The following SCN11A variants were observed in gnomAD, a reference collection of about 807,000 sequenced individuals.
SCN11A encodes sodium channel protein type 11 subunit alpha.
SCN11A carries 122 observed loss-of-function variants against 162.2 expected under a neutral mutation model. The observed-to-expected ratio is 0.75, with a 90% CI of 0.65 to 0.87. The LOEUF is 0.87. Among genes scored for constraint, SCN11A ranks in the 40% least tolerant of loss-of-function variants. The probability of loss-of-function intolerance (pLI) is 0.00; values close to 1 mark genes in which losing one functional copy is unlikely to be tolerated. For missense variants in SCN11A, 2,015 were observed against 2,181.6 expected, an observed-to-expected ratio of 0.92 and a Z score of 1.52; for synonymous variants, 758 against 751.5, an observed-to-expected ratio of 1.01 and a Z score of -0.14.
chr3:38,958,699 G>C (rs1281126966), intron 3 of SCN11A, among the ~76,000 whole-genome samples: 1 of 152,062 alleles, frequency 6.6e-6, no homozygotes, highest in Admixed American at 6.5e-5. Flanking sequence ...TCATTGTCCT[G>C]TATAACAATT....
chr3:39,051,280 C>A (rs1331219394), intron 1 of SCN11A, among the ~76,000 whole-genome samples: 3 of 152,114 alleles, frequency 2.0e-5, no homozygotes, highest in Admixed American at 1.3e-4. Flanking sequence ...TCCTCCCACC[C>A]TCCACCCTCC....
intron 2 of SCN11A, among the ~76,000 whole-genome samples, chr3:38,972,075 G>C (rs970715839): frequency 1.3e-5 from 2 of 152,182 alleles, no homozygotes; most frequent in African/African-American, 4.8e-5. Context: ...CTAGATGGCT[G>C]TTAATGGTGA....
intron 2 of SCN11A, among the ~76,000 whole-genome samples, chr3:39,014,510 T>C (rs909290426): frequency 6.6e-6 from 1 of 152,158 alleles, no homozygotes; most frequent in Non-Finnish European, 1.5e-5. Context: ...TAAGACAATA[T>C]CCCAACTTGG....
intron 1 of SCN11A, among the ~76,000 whole-genome samples, chr3:39,051,551 A>G (rs184530504): frequency 6.6e-6 from 1 of 152,000 alleles, no homozygotes; most frequent in East Asian, 1.9e-4. Context: ...AAGGACTTCT[A>G]TCTCTCCCCC....
intron 23 of SCN11A, among the ~76,000 whole-genome samples, chr3:38,879,338 T>C (rs2065270798): frequency 6.6e-6 from 1 of 152,200 alleles, no homozygotes; most frequent in African/African-American, 2.4e-5. Context: ...ATACTATTAT[T>C]AGCTTTTGTG....
chr3:38,988,209 C>T (rs534559340), intron 2 of SCN11A, among the ~76,000 whole-genome samples: 80 of 152,280 alleles, frequency 5.3e-4, no homozygotes, highest in Admixed American at 9.8e-4. Flanking sequence ...GAGTCCACAG[C>T]CTTGATGCCT....
chr3:39,019,622 C>T (rs2125606377), intron 2 of SCN11A, among the ~76,000 whole-genome samples: 1 of 152,262 alleles, frequency 6.6e-6, no homozygotes, highest in South Asian at 2.1e-4. Flanking sequence ...AGGATCAATC[C>T]AGTTTCTGTT....
intron 2 of SCN11A, among the ~76,000 whole-genome samples, chr3:38,982,519 AGGG>A (rs1310040384): frequency 6.6e-6 from 1 of 152,202 alleles, no homozygotes; most frequent in African/African-American, 2.4e-5. Flanking sequence ...CTAATAAGGC[AGGG>A]TGGGGAGCTG....
In SCN11A at chr3:38,910,194, G is replaced by T. The variant is rs912331827; in HGVS notation, c.973C>A (p.Gln325Lys). 6.2e-7 allele frequency: 1 copy of T among 1,612,360 alleles called. No individual in the cohort carries two copies. Among genetic ancestry groups the T allele is most frequent in the African/African-American group, 1.3e-5 (1 of 74,904 alleles). ...ATTTTGGTGTGCTTACATTCATATT[G>T]TATGGAACAGGCACTAGATATTGGA... ...IWMGNSACSI[Q>K]YECKHTKINP... The change falls in exon 12 of 30, where the codon CAA (glutamine) becomes AAA (lysine). Residue 325 changes from glutamine (Q) to lysine (K), a missense_variant. Coordinates refer to ENST00000302328, the MANE Select transcript of SCN11A (RefSeq NM_001349253.2).
intron 16 of SCN11A, among the ~76,000 whole-genome samples, chr3:38,901,630 TG>T (rs2065701371): frequency 6.6e-6 from 1 of 152,186 alleles, no homozygotes; most frequent in Non-Finnish European, 1.5e-5. Context: ...CTCTACAGAG[TG>T]GCTTAATCCT....
At position 38,850,469 on chromosome 3, in the gene SCN11A, G is replaced by C; in HGVS notation, c.4327+12C>G. Reference sequence around the variant, plus strand: ...GGTTCTTAAAGTCCCTCTGACTGCTGATTTTACTTACTAACAATGGAAAGA... The same window carrying C: ...GGTTCTTAAAGTCCCTCTGACTGCTCATTTTACTTACTAACAATGGAAAGA... On this transcript the variant is annotated intron_variant, in intron 29 of 29. Transcript: ENST00000302328. 5.0e-6 allele frequency: 8 copies of C among 1,607,806 alleles called. No homozygotes were observed. Among genetic ancestry groups the C allele is most frequent in the Non-Finnish European group, 6.0e-6 (7 of 1,176,048 alleles).
chr3:38,920,701 A>AAAAT (rs2125548016), intron 10 of SCN11A, among the ~76,000 whole-genome samples: 1 of 151,996 alleles, frequency 6.6e-6, no homozygotes, highest in South Asian at 2.1e-4. Context: ...AAAAAAAAAA[A>AAAAT]AAAGACGTGT....
chr3:38,866,324 T>C lies in SCN11A; in HGVS notation c.3951+997A>G, dbSNP rs2065040740. 2.0e-5 allele frequency among the ~76,000 whole-genome samples: 3 copies of C among 152,060 alleles called. No homozygotes were observed. The South Asian group carries it at 6.2e-4, about 32-fold the overall frequency. ...ACCTCTGCCTCCCAGGTTCAAGCAA[T>C]TCTCCTGCCTCAGCCTCCCAAGTAG... On this transcript the variant is annotated intron_variant, in intron 27 of 29. Coordinates refer to ENST00000302328, the MANE Select transcript of SCN11A (RefSeq NM_001349253.2).
chr3:38,874,821 A>C (rs2065183050), intron 23 of SCN11A, among the ~76,000 whole-genome samples: 2 of 152,168 alleles, frequency 1.3e-5, no homozygotes, highest in African/African-American at 2.4e-5. Context: ...ACTGTCTCCC[A>C]GGTTCTAGTT....
chr3:38,896,705 T>A, intron 18 of SCN11A, 140 bp downstream of exon 18: 2 of 803,560 alleles, frequency 2.5e-6, no homozygotes, highest in Non-Finnish European at 1.8e-6. Context: ...AAACAAAATT[T>A]GAATGAATAT....
rs764890476 is a variant in SCN11A, at chr3:38,847,349, C to A, written c.4721G>T (p.Cys1574Phe). The change falls in exon 30 of 30, where the codon TGC (cysteine) becomes TTC (phenylalanine). Residue 1574 changes from cysteine to phenylalanine, a missense_variant. Physicochemically the swap from Cys to Phe is radical, Grantham distance 205 (BLOSUM62 -2). Transcript: ENST00000302328. The part of the protein sequence containing the change: ...KESCNSSSEN[C>F]HLPGIATSYF... The stretch of plus-strand genomic sequence containing the variant: ...GGATGTGGCTATGCCAGGGAGGTGG[C>A]AGTTTTCTGAGGAAGAGTTACATGA... 1 of 1,614,114 alleles carries A rather than the reference C, an allele frequency of 6.2e-7. No homozygotes were observed. Among genetic ancestry groups the A allele is most frequent in the East Asian group, 2.2e-5 (1 of 44,878 alleles).
chr3:39,043,772 C>T (rs1433893992), intron 1 of SCN11A, among the ~76,000 whole-genome samples: 1 of 152,042 alleles, frequency 6.6e-6, no homozygotes, highest in Non-Finnish European at 1.5e-5. Context: ...CATAGCACAA[C>T]AGGGGGACTA....
At chr3:38,902,086 A>G (rs1415916210) in intron 16 of SCN11A, among the ~76,000 whole-genome samples, 3 of 152,238 alleles carry the variant, frequency 2.0e-5, no homozygotes, top group African/African-American at 4.8e-5. Context: ...AGCCCTGTCC[A>G]CAGAGATGAC....
intron 2 of SCN11A, among the ~76,000 whole-genome samples, chr3:38,988,120 C>T (rs1040287256): frequency 2.0e-5 from 3 of 152,106 alleles, no homozygotes; most frequent in African/African-American, 7.2e-5. Context: ...AAGCACTGGG[C>T]TTTCTGAATG....
Sources: allele counts gnomAD v4.1 joint callset (sites outside exome capture counted in the v4.1 genomes callset), GRCh38; gene constraint gnomAD v4.1.1; transcripts MANE v1.5; gene names NCBI Gene and HGNC (gene_info 2026-07-23, HGNC 2026-07-21).